The following STK32B variants were observed in gnomAD, a reference collection of about 807,000 sequenced individuals.
STK32B encodes serine/threonine kinase 32B, also known as serine/threonine-protein kinase 32B.
In STK32B, 43 loss-of-function variants were observed where a neutral mutation model predicts 52.6. The observed-to-expected ratio is 0.82, with a 90% CI of 0.64 to 1.05. STK32B has a LOEUF of 1.05. STK32B is among the 50% of genes least tolerant of loss of function. The pLI is 0.00. For missense variants in STK32B, 621 were observed against 534.6 expected (o/e 1.16, Z -1.59); for synonymous variants, 238 against 204.3 (o/e 1.17, Z -1.41).
chr4:5,445,927 T>C (rs1414594981), intron 6 of STK32B, among the ~76,000 whole-genome samples: 2 of 124,376 alleles, frequency 1.6e-5, no homozygotes, highest in East Asian at 2.5e-4. Flanking sequence ...TGCTAAAATA[T>C]AGTTGTCCCT....
At chr4:5,312,632 CTGCAT>C (rs1388852937) in intron 3 of STK32B, among the ~76,000 whole-genome samples, 1 of 151,958 alleles carries the variant, frequency 6.6e-6, no homozygotes, top group Non-Finnish European at 1.5e-5. Flanking sequence ...TTTTTTATGG[CTGCAT>C]AGTATTCCAT....
At chr4:5,180,459 C>G (rs113001799) in intron 3 of STK32B, among the ~76,000 whole-genome samples, 1,526 of 152,272 alleles carry the variant, frequency 0.01, 24 homozygotes, top group African/African-American at 0.035. Flanking sequence ...GGACATGAAG[C>G]CAGGCTGTCT....
chr4:5,468,767 T>C (rs1040985751), intron 11 of STK32B, among the ~76,000 whole-genome samples: 1 of 152,034 alleles, frequency 6.6e-6, no homozygotes, highest in African/African-American at 2.4e-5. Flanking sequence ...CAGCCAATGA[T>C]AATATCTAGA....
chr4:5,020,573 C>G, the STK32B span, among the ~76,000 whole-genome samples: 2 of 152,122 alleles, frequency 1.3e-5, no homozygotes, highest in African/African-American at 4.8e-5. Flanking sequence ...CTGGAGGTCA[C>G]AAAGCTGGAG....
chr4:5,134,066 G>A (rs906661827), intron 1 of STK32B, among the ~76,000 whole-genome samples: 1 of 152,120 alleles, frequency 6.6e-6, no homozygotes, highest in African/African-American at 2.4e-5. Flanking sequence ...GCAGCCCAAT[G>A]ACCCATACCT....
chr4:5,230,178 C>CTTTTTTTTTT lies in STK32B; in HGVS notation c.260+61750_260+61759dup, dbSNP rs752036100. Among the ~76,000 whole-genome samples the CTTTTTTTTTT allele has an allele frequency of 1.4e-3, 99 of 71,122 alleles. 5 individuals are homozygous for CTTTTTTTTTT. The highest frequency in any genetic ancestry group is 1.7e-3 in the South Asian group (4 of 2,374). The allele number at this position is 71,122 out of a possible 152,430, so 46.7% of individuals were successfully genotyped here. A position where few individuals can be genotyped will look rare whatever the true frequency, so the allele number is the denominator to read the frequency against. On this transcript the variant is annotated intron_variant, in intron 3 of 11. Transcript: ENST00000282908. ...AGAAGAACACTCAAGCATGCATTCC[C>CTTTTTTTTTT]TTTTTTTTTTTTTTTTTTTTTTTTT...
chr4:5,256,214 C>T (rs1726283100), intron 3 of STK32B, among the ~76,000 whole-genome samples: 1 of 152,174 alleles, frequency 6.6e-6, no homozygotes, highest in Admixed American at 6.5e-5. Context: ...CTCTGATCAC[C>T]ACATGGCACT....
intron 4 of STK32B, among the ~76,000 whole-genome samples, chr4:5,333,740 T>C (rs894088328): frequency 2.6e-5 from 4 of 152,214 alleles, no homozygotes; most frequent in Non-Finnish European, 5.9e-5. Context: ...GGGAATCCTT[T>C]CCCCATTGCT....
At position 5,256,589 on chromosome 4, in the gene STK32B, A is replaced by G. The variant is rs561298168; in HGVS notation, c.261-74631A>G. Among the ~76,000 whole-genome samples the G allele has an allele frequency of 5.3e-5, 8 of 152,330 alleles. No individual in the cohort carries two copies. In the South Asian group the frequency reaches 1.0e-3, roughly 20 times the overall value. On this transcript the variant is annotated intron_variant, in intron 3 of 11. Coordinates refer to ENST00000282908, the MANE Select transcript of STK32B (RefSeq NM_018401.3). ...GAACCGTCAGCCAGGTTTAAGCACC[A>G]GCTGCCCCGTCTGTCTAAATGCTCC...
At chr4:5,033,521 C>G in the STK32B span, among the ~76,000 whole-genome samples, 13 of 152,240 alleles carry the variant, frequency 8.5e-5, no homozygotes, top group Non-Finnish European at 1.0e-4. Context: ...AGCCTCTTCT[C>G]GTTGCTGGCA....
At chr4:5,344,098 A>G (rs955146907) in intron 4 of STK32B, among the ~76,000 whole-genome samples, 23 of 151,954 alleles carry the variant, frequency 1.5e-4, no homozygotes, top group Non-Finnish European at 2.5e-4. Flanking sequence ...TTCGAAGAGA[A>G]CTCATGCCTC....
At chr4:5,128,055 C>T (rs142205318) in intron 1 of STK32B, among the ~76,000 whole-genome samples, 1 of 152,186 alleles carries the variant, frequency 6.6e-6, no homozygotes, top group South Asian at 2.1e-4. Flanking sequence ...TATAAATTAC[C>T]CAGTGTCAGG....
chr4:5,497,860 C>T (rs1720423980), intron 11 of STK32B, among the ~76,000 whole-genome samples: 1 of 152,118 alleles, frequency 6.6e-6, no homozygotes, highest in African/African-American at 2.4e-5. Context: ...ATCAAGACAA[C>T]AGGTGTTGAC....
At chr4:5,102,507 T>C (rs983104685) in intron 1 of STK32B, among the ~76,000 whole-genome samples, 234 of 114,534 alleles carry the variant, frequency 2.0e-3, no homozygotes, top group African/African-American at 7.1e-3. Flanking sequence ...CCTCCCTCCC[T>C]CCCTCCTTCC....
intron 5 of STK32B, among the ~76,000 whole-genome samples, chr4:5,408,392 C>T (rs760356164): frequency 9.2e-5 from 14 of 152,094 alleles, no homozygotes; most frequent in Non-Finnish European, 1.8e-4. Flanking sequence ...CCTGCTCCAT[C>T]CATGTGACTT....
intron 9 of STK32B, among the ~76,000 whole-genome samples, chr4:5,464,792 T>A (rs2109161427): frequency 6.6e-6 from 1 of 152,260 alleles, no homozygotes; most frequent in South Asian, 2.1e-4. Flanking sequence ...ATGGTCTAGA[T>A]CCAGAACCTG....
intron 3 of STK32B, among the ~76,000 whole-genome samples, chr4:5,202,791 A>C (rs1174028724): frequency 6.6e-6 from 1 of 152,218 alleles, no homozygotes; most frequent in African/African-American, 2.4e-5. Context: ...TCATGTCTGT[A>C]ATTTCAGGAG....
intron 1 of STK32B, among the ~76,000 whole-genome samples, chr4:5,099,878 C>T (rs764303256): frequency 3.3e-5 from 5 of 152,046 alleles, no homozygotes; most frequent in Non-Finnish European, 5.9e-5. Context: ...CAACACCCAG[C>T]TGTTGTCCTG....
At chr4:5,093,253 T>G (rs1713194895) in intron 1 of STK32B, among the ~76,000 whole-genome samples, 2 of 152,162 alleles carry the variant, frequency 1.3e-5, no homozygotes, top group South Asian at 4.1e-4. Context: ...AGGTTAACAT[T>G]TATCAAAACA....
Sources: allele counts gnomAD v4.1 joint callset (sites outside exome capture counted in the v4.1 genomes callset), GRCh38; gene constraint gnomAD v4.1.1; transcripts MANE v1.5; gene names NCBI Gene and HGNC (gene_info 2026-07-23, HGNC 2026-07-21).